Variants in ITIH4 observed in about 807,000 individuals in gnomAD.
ITIH4 encodes the protein inter-alpha-trypsin inhibitor heavy chain H4.
In ITIH4, 79 loss-of-function variants were observed where a neutral mutation model predicts 111.8. The ratio of observed to expected loss-of-function variants is 0.71; its 90% CI spans 0.59 to 0.85. The LOEUF (loss-of-function observed/expected upper bound fraction) is 0.85. Among genes scored for constraint, ITIH4 ranks in the 40% least tolerant of loss-of-function variants. ITIH4 has a pLI of 0.00. For synonymous variants in ITIH4, 472 were observed against 468.3 expected, an observed-to-expected ratio of 1.01 and a Z score of -0.10; for missense variants, 1,065 against 1,195.8, an observed-to-expected ratio of 0.89 and a Z score of 1.61.
intron 6 of ITIH4, among the ~76,000 whole-genome samples, chr3:52,825,661 G>A (rs751370483): frequency 1.3e-5 from 2 of 152,186 alleles, no homozygotes; most frequent in African/African-American, 2.4e-5. Context: ...GGCAAAGAGG[G>A]AAACCCCACA....
intron 13 of ITIH4, 75 bp downstream of exon 13, chr3:52,820,556 T>C (rs1700362647): frequency 2.6e-6 from 4 of 1,519,046 alleles, no homozygotes; most frequent in Non-Finnish European, 2.7e-6. Context: ...TTGGTCAGGA[T>C]GCAGGGAAGA....
intron 16 of ITIH4, 51 bp downstream of exon 16, chr3:52,819,703 G>T: frequency 6.2e-7 from 1 of 1,600,466 alleles, no homozygotes; most frequent in Non-Finnish European, 8.6e-7. Flanking sequence ...CCTCCCTCAA[G>T]CTCCCCCCCA....
intron 18 of ITIH4, 23 bp from the exon 19 acceptor site, chr3:52,818,306 T>C: frequency 6.3e-7 from 1 of 1,576,244 alleles, no homozygotes; most frequent in Non-Finnish European, 8.6e-7. Context: ...AAAGTCTGGG[T>C]TTAGGCAGCC....
intron 21 of ITIH4, among the ~76,000 whole-genome samples, chr3:52,815,033 T>C (rs1578769897): frequency 1.3e-5 from 2 of 152,350 alleles, no homozygotes; most frequent in South Asian, 4.1e-4. Flanking sequence ...GTCTAAAGGA[T>C]AGGCCTCTTC....
At chr3:52,820,568 C>T (rs530861334) in intron 13 of ITIH4, 63 bp downstream of exon 13, 52 of 1,539,426 alleles carry the variant, frequency 3.4e-5, no homozygotes, top group East Asian at 4.5e-5. Flanking sequence ...CAGGGAAGAT[C>T]GGGGAGAACG....
intron 11 of ITIH4, 96 bp from the exon 12 acceptor site, chr3:52,821,226 A>T: frequency 3.5e-6 from 5 of 1,437,898 alleles, no homozygotes; most frequent in East Asian, 2.3e-5. Flanking sequence ...GGGCTGGGGC[A>T]GGTCCCACAC....
chr3:52,822,514 G>A (rs1015679116), intron 11 of ITIH4, among the ~76,000 whole-genome samples: 1 of 152,150 alleles, frequency 6.6e-6, no homozygotes, highest in Non-Finnish European at 1.5e-5. Flanking sequence ...ATCACCTGCT[G>A]ACATGTATGG....
In ITIH4 at chr3:52,814,085, G is replaced by A. The variant is rs749161414; in HGVS notation, c.2627-14C>T. The A allele has an allele frequency of 1.1e-5, 18 of 1,612,830 alleles. 1 individual carries two copies. The South Asian group carries it at 1.9e-4, about 17-fold the overall frequency. On this transcript the variant is annotated splice_polypyrimidine_tract_variant and intron_variant, in intron 22 of 23. Transcript: ENST00000266041. ...GGTAAAACTGGCCTGAGATACAAAG[G>A]GTGGATCAGTAAGGGTCAGAGACAG...
rs202162656 is a variant in ITIH4 at position 52,823,750 on chromosome 3, T to C, written c.1354-9A>G. The C allele has an allele frequency of 1.2e-6, 2 of 1,614,032 alleles. No homozygotes were observed. The highest frequency in any genetic ancestry group is 2.2e-5 in the South Asian group (2 of 91,078). ...ACTTCCTGGTAGAAGTCCTGCAGGGTTGGGGGTGTCATAAAGGCTGGGCTT... is the reference window on the plus strand; with the variant it reads ...ACTTCCTGGTAGAAGTCCTGCAGGGCTGGGGGTGTCATAAAGGCTGGGCTT... On this transcript the variant is annotated splice_polypyrimidine_tract_variant and intron_variant, in intron 10 of 23. Transcript: ENST00000266041.
chr3:52,828,004 C>T (rs1700512393), intron 2 of ITIH4, among the ~76,000 whole-genome samples: 1 of 152,188 alleles, frequency 6.6e-6, no homozygotes, highest in Non-Finnish European at 1.5e-5. Flanking sequence ...TCCTGCCTGA[C>T]CTTCCTGGTT....
At chr3:52,825,154 T>G (rs757923310) in intron 6 of ITIH4, 196 bp from the exon 7 acceptor site, 1 of 417,100 alleles carries the variant, frequency 2.4e-6, no homozygotes, top group African/African-American at 2.0e-5. Context: ...TCCCTGCTCA[T>G]GCATAGCCCA....
chr3:52,818,383 T>C, intron 18 of ITIH4, 79 bp downstream of exon 18: 1 of 1,575,040 alleles, frequency 6.3e-7, no homozygotes, highest in South Asian at 1.1e-5. Flanking sequence ...CCCTCACTAC[T>C]TCAACATCGA....
chr3:52,818,212 TG>T (rs1700313249), intron 19 of ITIH4, 44 bp from the exon 20 acceptor site: 1 of 1,594,636 alleles, frequency 6.3e-7, no homozygotes, highest in Non-Finnish European at 8.6e-7. Flanking sequence ...AAGGGCAGGC[TG>T]GGGGCAAGGA....
intron 16 of ITIH4, 118 bp from the exon 17 acceptor site, chr3:52,819,636 C>T (rs995753434): frequency 3.4e-5 from 53 of 1,576,764 alleles, no homozygotes; most frequent in Non-Finnish European, 4.5e-5. Context: ...CCTCTCCCCA[C>T]ACCCGGCCAA....
chr3:52,820,513 C>T (rs1700361570), intron 13 of ITIH4, 118 bp downstream of exon 13: 2 of 1,311,552 alleles, frequency 1.5e-6, no homozygotes, highest in East Asian at 4.7e-5. Context: ...CTGAATCTCC[C>T]AGGGGGAGTC....
intron 18 of ITIH4, 61 bp downstream of exon 18, chr3:52,818,401 G>A: frequency 6.4e-7 from 1 of 1,573,688 alleles, no homozygotes; most frequent in Non-Finnish European, 8.7e-7. Context: ...CGAGACATGT[G>A]ACAGGTCACT....
rs928838602 is a variant in ITIH4, at chr3:52,813,885, C to T, written c.2723+90G>A. 62 of 999,408 alleles carry T rather than the reference C, an allele frequency of 6.2e-5. No individual in the cohort carries two copies. The Middle Eastern group carries it at 1.2e-3, about 19-fold the overall frequency. The allele number at this position is 999,408 out of a possible 1,614,324, so 61.9% of individuals were successfully genotyped here. A position where few individuals can be genotyped will look rare whatever the true frequency, so the allele number is the denominator to read the frequency against. The stretch of plus-strand genomic sequence containing the variant: ...ACTGTGTCTAGTTCCTGGGCAAGGA[C>T]AGGAGTGGGGCCCTGGAGAGCCTGG... On this transcript the variant is annotated intron_variant, in intron 23 of 23. Transcript: ENST00000266041.
At chr3:52,829,624 C>T (rs987163321) in intron 1 of ITIH4, among the ~76,000 whole-genome samples, 2 of 152,200 alleles carry the variant, frequency 1.3e-5, no homozygotes, top group African/African-American at 4.8e-5. Context: ...AGGGGCATCA[C>T]ACTCAGCCTT....
chr3:52,830,489 C>T (rs1700551509), intron 1 of ITIH4, 64 bp downstream of exon 1: 1 of 1,470,360 alleles, frequency 6.8e-7, no homozygotes, highest in Middle Eastern at 1.7e-4. Context: ...TGCGGAGGCT[C>T]TTCCCCACTT....
Sources: gnomAD v4.1 joint callset for allele counts (sites outside exome capture counted in the v4.1 genomes callset) on GRCh38, gnomAD v4.1.1 for gene constraint, MANE v1.5 for transcripts, NCBI Gene and HGNC (gene_info 2026-07-23, HGNC 2026-07-21) for gene names.